CELF4: variants seen among roughly 807,000 people sequenced by gnomAD.
The protein encoded by CELF4 is CUGBP Elav-like family member 4, also known as CUG-BP- and ETR-3-like factor 4.
In CELF4, 18 loss-of-function variants were observed where a neutral mutation model predicts 59.9. The ratio of observed to expected loss-of-function variants is 0.30; its 90% confidence interval spans 0.21 to 0.45. The LOEUF is 0.45. Among genes scored for constraint, CELF4 ranks in the 20% least tolerant of loss-of-function variants. The pLI, the probability that CELF4 is intolerant of heterozygous loss-of-function variation, is 1.00. For synonymous variants in CELF4, 261 were observed against 267.1 expected (o/e 0.98, Z 0.22); for missense variants, 456 against 689.0 (o/e 0.66, Z 3.79).
At chr18:37,250,122 G>C (rs930383618) in intron 12 of CELF4, among the ~76,000 whole-genome samples, 2 of 152,222 alleles carry the variant, frequency 1.3e-5, no homozygotes, top group Non-Finnish European at 2.9e-5. Flanking sequence ...GGCGGGGCCA[G>C]GCTGGGTGTG....
At chr18:37,478,983 C>G (rs1471991284) in intron 2 of CELF4, among the ~76,000 whole-genome samples, 1 of 152,182 alleles carries the variant, frequency 6.6e-6, no homozygotes, top group Non-Finnish European at 1.5e-5. Context: ...GTCTCAAGGC[C>G]TGGGTTCTGG....
chr18:37,548,821 T>C (rs2099982257), intron 1 of CELF4, among the ~76,000 whole-genome samples: 2 of 152,182 alleles, frequency 1.3e-5, no homozygotes, highest in Non-Finnish European at 2.9e-5. Context: ...GACCCAGGCA[T>C]GTGGCTCCTA....
intron 3 of CELF4, among the ~76,000 whole-genome samples, chr18:37,288,197 C>T (rs759333732): frequency 2.6e-5 from 4 of 152,226 alleles, no homozygotes; most frequent in Non-Finnish European, 5.9e-5. Flanking sequence ...TTTTCCTGAA[C>T]CTACTGGCAG....
intron 2 of CELF4, among the ~76,000 whole-genome samples, chr18:37,361,645 G>C (rs2098704461): frequency 6.6e-6 from 1 of 152,028 alleles, no homozygotes; most frequent in African/African-American, 2.4e-5. Context: ...GTGTGGAGGT[G>C]GGGAAGCGGA....
intron 2 of CELF4, among the ~76,000 whole-genome samples, chr18:37,393,692 C>T (rs1002266316): frequency 1.3e-5 from 2 of 152,122 alleles, no homozygotes; most frequent in African/African-American, 4.8e-5. Context: ...GCTCCAGCCC[C>T]GGTACCTGAG....
chr18:37,424,204 G>T (rs991874082), intron 2 of CELF4, among the ~76,000 whole-genome samples: 2 of 152,148 alleles, frequency 1.3e-5, no homozygotes, highest in Admixed American at 6.5e-5. Context: ...GCCTAGGAAC[G>T]AGAGGCTCTT....
At chr18:37,301,442 G>A (rs150608201) in intron 3 of CELF4, among the ~76,000 whole-genome samples, 12 of 152,224 alleles carry the variant, frequency 7.9e-5, no homozygotes, top group East Asian at 1.9e-4. Context: ...CTGCCTCCCC[G>A]CAGCCCCAGA....
intron 3 of CELF4, among the ~76,000 whole-genome samples, chr18:37,283,780 G>A (rs866436765): frequency 1.3e-4 from 19 of 151,754 alleles, no homozygotes; most frequent in Non-Finnish European, 2.5e-4. Flanking sequence ...TAAAAGGCCT[G>A]CGCTGGACCC....
chr18:37,275,843 G>A (rs1336980386), intron 3 of CELF4: 1 of 152,644 alleles, frequency 6.6e-6, no homozygotes, highest in East Asian at 1.9e-4. Context: ...AATGTCAAAG[G>A]ACAATGACTA....
rs1326875614 is a variant in CELF4 at position 37,275,111 on chromosome 18, G to A, written c.577+4C>T. ...GGCATCCCTCCCGGCCCCGCCCCGC[G>A]CACCCTTGCTGTTGCCGTCGGGCCC... is the stretch of plus-strand genomic sequence containing the variant. On this transcript the variant is annotated splice_donor_region_variant and intron_variant, in intron 4 of 12. Coordinates refer to ENST00000420428, the MANE Select transcript of CELF4 (RefSeq NM_020180.4). 2 of 1,612,512 alleles carry A rather than the reference G, an allele frequency of 1.2e-6. No homozygotes were observed. The highest frequency in any genetic ancestry group is 1.7e-6 in the Non-Finnish European group (2 of 1,179,490).
intron 3 of CELF4, among the ~76,000 whole-genome samples, chr18:37,321,018 C>G (rs922075031): frequency 3.9e-5 from 6 of 152,134 alleles, no homozygotes; most frequent in Admixed American, 1.3e-4. Context: ...ATGTTTGAAT[C>G]TCATCTAGGG....
rs1355328114 is a variant in CELF4, at chr18:37,243,954, C to A, written c.*1288G>T. The A allele has an allele frequency of 1.7e-5, 3 of 175,928 alleles. No individual in the cohort carries two copies. Among genetic ancestry groups the A allele is most frequent in the East Asian group, 2.8e-4 (2 of 7,242 alleles). 10.9% of individuals were successfully genotyped at this position (175,928 alleles called of 1,614,324 possible). The stretch of plus-strand genomic sequence containing the variant: ...ACCCGGGCGACGCGACCGTTCCCGA[C>A]CGACGGCGTGGCCTCCACCGGCGTC... On this transcript the variant is annotated 3_prime_UTR_variant, in exon 13 of 13. Transcript: ENST00000420428.
chr18:37,371,929 T>A (rs184031925), intron 2 of CELF4, among the ~76,000 whole-genome samples: 1 of 152,204 alleles, frequency 6.6e-6, no homozygotes, highest in Non-Finnish European at 1.5e-5. Flanking sequence ...CTTCTTAATG[T>A]GTGCATGGTT....
chr18:37,536,157 C>A (rs1452306328), intron 1 of CELF4, among the ~76,000 whole-genome samples: 1 of 151,836 alleles, frequency 6.6e-6, no homozygotes, highest in Non-Finnish European at 1.5e-5. Flanking sequence ...CTGGAAATGA[C>A]GCTCTCTGAA....
intron 3 of CELF4, among the ~76,000 whole-genome samples, chr18:37,314,991 A>G (rs745947660): frequency 5.9e-5 from 9 of 151,878 alleles, no homozygotes; most frequent in African/African-American, 1.2e-4. Flanking sequence ...CAGCTTCTCT[A>G]TGCAATCGGG....
rs2067198042 is a variant in CELF4, at chr18:37,253,912, T to C, written c.1360A>G (p.Ser454Gly). The C allele has an allele frequency of 6.3e-7, 1 of 1,592,240 alleles. No individual in the cohort carries two copies. Among genetic ancestry groups the C allele is most frequent in the Admixed American group, 1.7e-5 (1 of 59,210 alleles). ...FGFVSFDNPASAQTAIQAMNG... is the reference protein window; with the variant it reads ...FGFVSFDNPAGAQTAIQAMNG... Reference sequence around the variant, plus strand: ...ATGGCCTGGATGGCGGTCTGCGCGCTGGCCGGGTTGTCGAAGCTCACGAAG... The same window carrying C: ...ATGGCCTGGATGGCGGTCTGCGCGCCGGCCGGGTTGTCGAAGCTCACGAAG... The change falls in exon 12 of 13, where the codon AGC becomes GGC. Residue 454 changes from serine (S) to glycine (G), a missense_variant. By Grantham distance (56) the Ser-to-Gly change is moderately conservative. This residue lies in a region of CELF4 where 256 missense variants were observed against 340.8 expected (regional missense o/e 0.75). Transcript: ENST00000420428. The surrounding 1 kb of genome is among the most constrained non-coding windows in gnomAD (Gnocchi z 4.5).
At chr18:37,465,660 A>G (rs966139139) in intron 2 of CELF4, among the ~76,000 whole-genome samples, 7 of 152,148 alleles carry the variant, frequency 4.6e-5, no homozygotes, top group African/African-American at 1.2e-4. Flanking sequence ...GTGTAGGTTC[A>G]GGGAGATAAA....
intron 3 of CELF4, among the ~76,000 whole-genome samples, chr18:37,279,622 G>A (rs1213117604): frequency 5.9e-5 from 9 of 152,180 alleles, no homozygotes; most frequent in Non-Finnish European, 1.2e-4. Flanking sequence ...CAAGAGAGAC[G>A]AAGCTGCTCG....
intron 2 of CELF4, among the ~76,000 whole-genome samples, chr18:37,359,535 T>C (rs1412827084): frequency 6.6e-6 from 1 of 152,084 alleles, no homozygotes; most frequent in Non-Finnish European, 1.5e-5. Flanking sequence ...GGTCTCGCTA[T>C]GTTGCCTAGG....
Sources: gnomAD v4.1 joint callset for allele counts (sites outside exome capture counted in the v4.1 genomes callset) on GRCh38, gnomAD v4.1.1 for gene constraint, gnomAD v4.1.1 regional missense constraint, Gnocchi (gnomAD v3.1) non-coding constraint, MANE v1.5 for transcripts, NCBI Gene and HGNC (gene_info 2026-07-23, HGNC 2026-07-21) for gene names.